EEFSEC: variants seen among roughly 807,000 people sequenced by gnomAD.
The protein encoded by EEFSEC is selenocysteine-specific elongation factor.
In EEFSEC, 43 loss-of-function variants were observed where a neutral mutation model predicts 42.1. The ratio of observed to expected loss-of-function variants is 1.02; its 90% confidence interval spans 0.80 to 1.32. EEFSEC has a LOEUF of 1.32. Among genes scored for constraint, EEFSEC ranks in the 40% most tolerant of loss-of-function variants. The probability of loss-of-function intolerance (pLI) is 0.00; values close to 1 mark genes in which losing one functional copy is unlikely to be tolerated. For synonymous variants in EEFSEC, 354 were observed against 339.1 expected (o/e 1.04, Z -0.48); for missense variants, 745 against 803.6 (o/e 0.93, Z 0.88).
intron 1 of EEFSEC, among the ~76,000 whole-genome samples, chr3:128,189,956 G>A (rs1014241150): frequency 1.3e-5 from 2 of 151,686 alleles, no homozygotes; most frequent in Admixed American, 6.6e-5. Flanking sequence ...TCCACCTCCC[G>A]GATTCAAGCA....
At chr3:128,236,976 GT>G (rs1279440784) in intron 1 of EEFSEC, among the ~76,000 whole-genome samples, 1 of 152,254 alleles carries the variant, frequency 6.6e-6, no homozygotes, top group Non-Finnish European at 1.5e-5. Flanking sequence ...GGTAGGGACT[GT>G]TGTCTGTCTG....
chr3:128,189,565 T>C (rs971340139), intron 1 of EEFSEC, among the ~76,000 whole-genome samples: 2 of 151,560 alleles, frequency 1.3e-5, no homozygotes, highest in East Asian at 1.9e-4. Flanking sequence ...TTTCTTTTTT[T>C]TTTTTTTTTT....
rs549501830 is a variant in EEFSEC at position 128,325,068 on chromosome 3, A to G, written c.787-16165A>G. Among the ~76,000 whole-genome samples, 477 of 152,268 alleles carry G rather than the reference A, an allele frequency of 3.1e-3. 4 individuals are homozygous for G. Among genetic ancestry groups the G allele is most frequent in the African/African-American group, 0.011 (453 of 41,540 alleles). ...TTCACACAGGCAGGGCAGGCCCCCA[A>G]CATCCCTCGCTGGCCTACTCTCTGC... is the stretch of plus-strand genomic sequence containing the variant. On this transcript the variant is annotated intron_variant, in intron 4 of 6. Coordinates refer to ENST00000254730, the MANE Select transcript of EEFSEC (RefSeq NM_021937.5).
chr3:128,178,919 A>AT (rs1385286166), intron 1 of EEFSEC, among the ~76,000 whole-genome samples: 1 of 152,214 alleles, frequency 6.6e-6, no homozygotes, highest in Non-Finnish European at 1.5e-5. Flanking sequence ...TCAATCAAGT[A>AT]TTTTGATTAT....
At chr3:128,368,447 A>AC (rs1235499201) in intron 6 of EEFSEC, among the ~76,000 whole-genome samples, 3 of 64,390 alleles carry the variant, frequency 4.7e-5, no homozygotes, top group East Asian at 6.8e-4. Context: ...AAAAAAACAA[A>AC]AAAAAAAAAA....
intron 4 of EEFSEC, among the ~76,000 whole-genome samples, chr3:128,333,041 G>A (rs960878521): frequency 6.6e-6 from 1 of 152,158 alleles, no homozygotes; most frequent in Non-Finnish European, 1.5e-5. Flanking sequence ...AAGCTTATTA[G>A]TGTCAAACCT....
chr3:128,164,444 G>C (rs1283576571), intron 1 of EEFSEC, among the ~76,000 whole-genome samples: 1 of 152,200 alleles, frequency 6.6e-6, no homozygotes, highest in African/African-American at 2.4e-5. Context: ...AGGATGACCT[G>C]TGGATTTCCA....
the EEFSEC span, among the ~76,000 whole-genome samples, chr3:128,423,349 C>A: frequency 2.0e-5 from 3 of 152,180 alleles, no homozygotes; most frequent in African/African-American, 7.2e-5. Context: ...TGCAGTGGCT[C>A]ATGTCTGAAA....
the EEFSEC span, among the ~76,000 whole-genome samples, chr3:128,419,556 G>C: frequency 1.3e-5 from 2 of 152,206 alleles, no homozygotes; most frequent in Admixed American, 1.3e-4. Flanking sequence ...TGCCAGCAAG[G>C]GGGGTTAGGA....
intron 4 of EEFSEC, among the ~76,000 whole-genome samples, chr3:128,309,609 T>C (rs1380493252): frequency 5.3e-5 from 8 of 152,180 alleles, no homozygotes; most frequent in Non-Finnish European, 1.2e-4. Flanking sequence ...ATGGTGACTT[T>C]AGCTGTGAAG....
At chr3:128,424,487 T>C in the EEFSEC span, among the ~76,000 whole-genome samples, 1 of 152,022 alleles carries the variant, frequency 6.6e-6, no homozygotes, top group Non-Finnish European at 1.5e-5. Flanking sequence ...GCTCTCATGA[T>C]CCTCCTGCCT....
chr3:128,275,719 G>A (rs956536880), intron 4 of EEFSEC, among the ~76,000 whole-genome samples: 8 of 152,248 alleles, frequency 5.3e-5, no homozygotes, highest in Non-Finnish European at 1.0e-4. Flanking sequence ...TGAGCAGAAG[G>A]AACAGTATGT....
At chr3:128,296,640 C>G (rs143970077) in intron 4 of EEFSEC, among the ~76,000 whole-genome samples, 1,252 of 98,606 alleles carry the variant, frequency 0.013, 10 homozygotes, top group Non-Finnish European at 0.017. Context: ...CGAAGGTTAC[C>G]TCCTCACTGA....
At chr3:128,387,905 A>C (rs926364979) in intron 6 of EEFSEC, among the ~76,000 whole-genome samples, 1 of 152,242 alleles carries the variant, frequency 6.6e-6, no homozygotes, top group Non-Finnish European at 1.5e-5. Flanking sequence ...AGTAGGTCTC[A>C]GCCAGCCTTT....
intron 1 of EEFSEC, among the ~76,000 whole-genome samples, chr3:128,202,278 C>T (rs891337775): frequency 2.6e-5 from 4 of 152,096 alleles, no homozygotes; most frequent in African/African-American, 4.8e-5. Flanking sequence ...ATAGCTCAAT[C>T]GAGGGAAAAC....
intron 5 of EEFSEC, among the ~76,000 whole-genome samples, chr3:128,342,161 C>T (rs2067262879): frequency 6.6e-6 from 1 of 151,220 alleles, no homozygotes; most frequent in Non-Finnish European, 1.5e-5. Flanking sequence ...CACTTATTTA[C>T]ATGGTAGATG....
At chr3:128,168,114 G>A (rs10934850) in intron 1 of EEFSEC, among the ~76,000 whole-genome samples, 20,699 of 152,134 alleles carry the variant, frequency 0.14, 1,559 homozygotes, top group African/African-American at 0.2. Context: ...TCTGAGACAG[G>A]ACGAGCACTT....
rs574853409 is a variant in EEFSEC at position 128,370,534 on chromosome 3, T to G, written c.1600+12161T>G. Among the ~76,000 whole-genome samples, 124 of 152,224 alleles carry G rather than the reference T, an allele frequency of 8.1e-4. 2 individuals are homozygous for G. The highest frequency in any genetic ancestry group is 2.7e-3 in the African/African-American group (113 of 41,540). On this transcript the variant is annotated intron_variant, in intron 6 of 6. Transcript: ENST00000254730. ...CTCTCTGGAGCCAGATCTAGGGATA[T>G]CCTACCCCTCTCCCATATCCCCATG...
intron 4 of EEFSEC, among the ~76,000 whole-genome samples, chr3:128,319,654 G>A (rs970228734): frequency 1.3e-5 from 2 of 152,164 alleles, no homozygotes; most frequent in African/African-American, 4.8e-5. Context: ...CCAACCAGGG[G>A]TTTCCATGCA....
Sources: gnomAD v4.1 joint callset for allele counts (sites outside exome capture counted in the v4.1 genomes callset) on GRCh38, gnomAD v4.1.1 for gene constraint, MANE v1.5 for transcripts, NCBI Gene and HGNC (gene_info 2026-07-23, HGNC 2026-07-21) for gene names.